HDAC9: variants seen among roughly 807,000 people sequenced by gnomAD.
The protein encoded by HDAC9 is histone deacetylase 9, also known as MEF-2 interacting transcription repressor (MITR) protein.
Under a neutral mutation model 139.4 loss-of-function variants are expected in HDAC9, and 41 were observed. The ratio of observed to expected loss-of-function variants is 0.29; its 90% CI spans 0.23 to 0.38. The LOEUF (loss-of-function observed/expected upper bound fraction) is 0.38. Among genes scored for constraint, HDAC9 ranks in the 10% least tolerant of loss-of-function variants. HDAC9 has a pLI of 1.00. For synonymous variants in HDAC9, 517 were observed against 476.2 expected (o/e 1.09, Z -1.12); for missense variants, 1,147 against 1,297.0 (o/e 0.88, Z 1.78).
chr7:18,958,060 G>T (rs907060574), intron 24 of HDAC9, among the ~76,000 whole-genome samples: 1 of 152,078 alleles, frequency 6.6e-6, no homozygotes, highest in Non-Finnish European at 1.5e-5. Flanking sequence ...GAGGTGCGTT[G>T]GCTCCTTGCC....
intron 2 of HDAC9, chr7:18,517,952 A>G (rs1314891156): frequency 6.6e-6 from 1 of 152,104 alleles, no homozygotes; most frequent in African/African-American, 2.4e-5. Context: ...GGTCCCTCTC[A>G]TTTTCTATTC....
intron 1 of HDAC9, among the ~76,000 whole-genome samples, chr7:18,338,734 G>A (rs893542233): frequency 6.6e-6 from 1 of 151,390 alleles, no homozygotes; most frequent in Non-Finnish European, 1.5e-5. Context: ...TTCTTGTAAT[G>A]TGTCCCTCAG....
At chr7:18,298,949 A>C (rs1798337287) in intron 1 of HDAC9, among the ~76,000 whole-genome samples, 1 of 152,182 alleles carries the variant, frequency 6.6e-6, no homozygotes, top group African/African-American at 2.4e-5. Flanking sequence ...CTGTATTTAT[A>C]GTTAGGATTG....
chr7:18,312,802 C>T (rs551886957), intron 1 of HDAC9, among the ~76,000 whole-genome samples: 47 of 151,918 alleles, frequency 3.1e-4, no homozygotes, highest in Non-Finnish European at 4.9e-4. Flanking sequence ...TGTATCTTGC[C>T]CTAGACAATC....
intron 17 of HDAC9, among the ~76,000 whole-genome samples, chr7:18,812,540 T>G (rs1794255912): frequency 6.6e-6 from 1 of 151,982 alleles, no homozygotes; most frequent in Non-Finnish European, 1.5e-5. Context: ...TTTTGAAAAT[T>G]AGAAATCGGC....
intron 21 of HDAC9, among the ~76,000 whole-genome samples, chr7:18,853,560 T>C (rs1340639398): frequency 3.3e-5 from 5 of 152,192 alleles, no homozygotes; most frequent in African/African-American, 1.2e-4. Context: ...TCTTTATAAA[T>C]TGAATACTAG....
At chr7:18,720,096 A>G (rs114502341) in intron 12 of HDAC9, among the ~76,000 whole-genome samples, 1,675 of 152,242 alleles carry the variant, frequency 0.011, 32 homozygotes, top group African/African-American at 0.038. Context: ...ATATTAGGAT[A>G]TCTTCATAGA....
intron 2 of HDAC9, among the ~76,000 whole-genome samples, chr7:18,237,042 G>A (rs1459392114): frequency 4.6e-5 from 7 of 152,148 alleles, no homozygotes; most frequent in African/African-American, 1.2e-4. Context: ...CACTCTGTTC[G>A]TATCCCACTT....
At chr7:18,815,143 A>G (rs540990767) in intron 17 of HDAC9, among the ~76,000 whole-genome samples, 5 of 152,294 alleles carry the variant, frequency 3.3e-5, no homozygotes, top group East Asian at 1.9e-4. Context: ...CAAAAAGGCT[A>G]TGAACTTCTG....
At chr7:18,250,230 G>A (rs1794832128) in intron 2 of HDAC9, among the ~76,000 whole-genome samples, 1 of 152,212 alleles carries the variant, frequency 6.6e-6, no homozygotes, top group East Asian at 1.9e-4. Flanking sequence ...AAACAGCATT[G>A]GGTTTAGAGG....
chr7:18,510,289 A>C (rs1369690061), intron 2 of HDAC9, among the ~76,000 whole-genome samples: 13 of 152,174 alleles, frequency 8.5e-5, no homozygotes, highest in African/African-American at 3.1e-4. Context: ...TGCCAATAGA[A>C]ATTTCCTGGG....
chr7:18,477,351 T>C (rs941095760), intron 1 of HDAC9, among the ~76,000 whole-genome samples: 2 of 152,178 alleles, frequency 1.3e-5, no homozygotes, highest in African/African-American at 4.8e-5. Flanking sequence ...CGTGTCTTAA[T>C]TTCTAAGCAA....
At chr7:18,870,609 A>G (rs6461390) in intron 21 of HDAC9, among the ~76,000 whole-genome samples, 72,169 of 151,928 alleles carry the variant, frequency 0.48, 17,933 homozygotes, top group Middle Eastern at 0.63. Flanking sequence ...GATACTTTGG[A>G]ATTATGCAAA....
intron 22 of HDAC9, among the ~76,000 whole-genome samples, chr7:18,908,103 T>C (rs1029369169): frequency 6.6e-6 from 1 of 152,040 alleles, no homozygotes; most frequent in Non-Finnish European, 1.5e-5. Context: ...ATTTGAGACA[T>C]GAAATGTCTC....
At chr7:18,797,013 T>C (rs1792860133) in intron 17 of HDAC9, among the ~76,000 whole-genome samples, 1 of 152,224 alleles carries the variant, frequency 6.6e-6, no homozygotes. Flanking sequence ...TGAATGAATA[T>C]GAGTTTGAGT....
chr7:18,321,236 T>C (rs73305290), intron 1 of HDAC9, among the ~76,000 whole-genome samples: 3,339 of 152,258 alleles, frequency 0.022, 123 homozygotes, highest in African/African-American at 0.076. Flanking sequence ...TCTCTTCCCT[T>C]ACATATTATT....
intron 2 of HDAC9, among the ~76,000 whole-genome samples, chr7:18,253,310 G>A (rs903552049): frequency 6.6e-6 from 1 of 151,866 alleles, no homozygotes; most frequent in African/African-American, 2.4e-5. Context: ...CTGTTTTTAG[G>A]TATTTGAGGA....
At chr7:18,317,050 C>T (rs1237679555) in intron 1 of HDAC9, among the ~76,000 whole-genome samples, 1 of 150,580 alleles carries the variant, frequency 6.6e-6, no homozygotes, top group South Asian at 2.1e-4. Flanking sequence ...GCCGAGATGG[C>T]GCCACTGCAT....
At chr7:18,393,421 G>A (rs1786729425) in intron 1 of HDAC9, among the ~76,000 whole-genome samples, 1 of 152,116 alleles carries the variant, frequency 6.6e-6, no homozygotes, top group Non-Finnish European at 1.5e-5. Context: ...TGCAGCAAAT[G>A]CAGCAAAATG....
Sources: gnomAD v4.1 joint callset for allele counts (sites outside exome capture counted in the v4.1 genomes callset) on GRCh38, gnomAD v4.1.1 for gene constraint, MANE v1.5 for transcripts, NCBI Gene and HGNC (gene_info 2026-07-23, HGNC 2026-07-21) for gene names.